ZNF106: variants seen among roughly 807,000 people sequenced by gnomAD.
ZNF106 encodes the protein SH3-domain binding protein 3.
In ZNF106, 67 loss-of-function variants were observed where a neutral mutation model predicts 195.1. The observed-to-expected ratio is 0.34, with a 90% confidence interval of 0.28 to 0.42. The LOEUF (loss-of-function observed/expected upper bound fraction) is 0.42, where lower values mean the gene tolerates loss of function less well. Ranked by LOEUF, ZNF106 falls within the 10% of genes least tolerant of loss-of-function variation. ZNF106 has a pLI of 1.00. For missense variants in ZNF106, 2,118 were observed against 2,304.5 expected (o/e 0.92, Z 1.66); for synonymous variants, 784 against 818.6 (o/e 0.96, Z 0.72).
chr15:42,487,806 CCCCTAGCAA>C (rs1474462848), intron 1 of ZNF106, among the ~76,000 whole-genome samples: 1 of 152,166 alleles, frequency 6.6e-6, no homozygotes, highest in Non-Finnish European at 1.5e-5. Flanking sequence ...CCTCCCTCAA[CCCCTAGCAA>C]CCACCATTCT....
intron 19 of ZNF106, 27 bp downstream of exon 19, chr15:42,421,890 A>T (rs777459651): frequency 6.6e-7 from 1 of 1,508,872 alleles, no homozygotes; most frequent in Non-Finnish European, 8.9e-7. Flanking sequence ...TCAAAAGCAA[A>T]TATCTTACAT....
chr15:42,451,261 G>A lies in ZNF106; in HGVS notation c.1011C>T (p.Phe337=). ...DKFPSEGLLD[F]NFEQLESQTT... is the part of the protein sequence containing the mutation. ...TTTGGCTTTCCAGCTGCTCAAAATT[G>A]AAGTCGAGTAAGCCTTCTGAAGGAA... The change falls in exon 5 of 22, where the codon TTC becomes TTT. Residue 337 remains phenylalanine, a synonymous_variant. Transcript: ENST00000564754. 2 of 1,614,178 alleles carry A rather than the reference G, an allele frequency of 1.2e-6. No individual in the cohort carries two copies. Among genetic ancestry groups the A allele is most frequent in the Non-Finnish European group, 1.7e-6 (2 of 1,180,034 alleles).
intron 4 of ZNF106, among the ~76,000 whole-genome samples, chr15:42,454,191 A>C (rs1314233591): frequency 1.3e-5 from 2 of 152,214 alleles, no homozygotes; most frequent in Non-Finnish European, 2.9e-5. Flanking sequence ...TTCCTTTTTC[A>C]CAAGACGGAA....
intron 16 of ZNF106, 129 bp from the exon 17 acceptor site, chr15:42,424,189 AG>A (rs2054769646): frequency 5.5e-6 from 4 of 729,164 alleles, no homozygotes; most frequent in African/African-American, 1.8e-5. Flanking sequence ...TAGGTATAAA[AG>A]TTTCTCAGAT....
intron 1 of ZNF106, among the ~76,000 whole-genome samples, chr15:42,488,383 C>T (rs2057063008): frequency 6.6e-6 from 1 of 152,128 alleles, no homozygotes; most frequent in African/African-American, 2.4e-5. Flanking sequence ...TTAACCAATC[C>T]TTCACTGATG....
At chr15:42,435,958 CT>C (rs1216348787) in intron 13 of ZNF106, among the ~76,000 whole-genome samples, 481 of 140,382 alleles carry the variant, frequency 3.4e-3, no homozygotes, top group Middle Eastern at 3.7e-3. Flanking sequence ...GGTGTTGTTT[CT>C]TTTTTTTTTT....
intron 14 of ZNF106, among the ~76,000 whole-genome samples, chr15:42,428,502 T>C (rs2054935608): frequency 6.6e-6 from 1 of 152,236 alleles, no homozygotes; most frequent in Non-Finnish European, 1.5e-5. Context: ...TATAGTTATA[T>C]ATTTGATAAA....
chr15:42,424,733 C>T lies in ZNF106; in HGVS notation c.5190+101G>A, dbSNP rs140946821. On this transcript the variant is annotated intron_variant, in intron 16 of 21. Coordinates refer to ENST00000564754, the MANE Select transcript of ZNF106 (RefSeq NM_001366845.3). ...GAGCTCAAGCGATCCCCCTGCCTCA[C>T]CCTCCCAAAGTGCTGGGACTACAGA... 1.6e-3 allele frequency: 2,002 copies of T among 1,224,398 alleles called. 29 individuals carry two copies. In the African/African-American group the frequency reaches 0.028, roughly 17 times the overall value. 75.8% of individuals were successfully genotyped at this position (1,224,398 alleles called of 1,614,324 possible).
chr15:42,453,378 T>A (rs914804280), intron 4 of ZNF106, among the ~76,000 whole-genome samples: 1 of 152,146 alleles, frequency 6.6e-6, no homozygotes, highest in African/African-American at 2.4e-5. Flanking sequence ...CACAGAAACA[T>A]GAATAAGCTT....
At chr15:42,444,112 CAAAAAAAAAAAAAA>C (rs58966014) in intron 9 of ZNF106, 76 bp downstream of exon 9, 43 of 248,936 alleles carry the variant, frequency 1.7e-4, no homozygotes, top group Admixed American at 8.4e-4. Context: ...ACTCTGTCTC[CAAAAAAAAAAAAAA>C]AAAAAAAAAA....
chr15:42,473,024 C>G (rs927377493), intron 1 of ZNF106, among the ~76,000 whole-genome samples: 13 of 138,766 alleles, frequency 9.4e-5, no homozygotes, highest in African/African-American at 3.0e-4. Flanking sequence ...AAAAAAAAAA[C>G]AAGTTTAAGT....
At chr15:42,442,949 A>G (rs2055613384) in intron 9 of ZNF106, among the ~76,000 whole-genome samples, 2 of 151,922 alleles carry the variant, frequency 1.3e-5, no homozygotes, top group Non-Finnish European at 2.9e-5. Flanking sequence ...ATGCCCAGCT[A>G]ATTTTTGTAT....
At chr15:42,458,234 G>A (rs529707614) in intron 3 of ZNF106, among the ~76,000 whole-genome samples, 10 of 151,926 alleles carry the variant, frequency 6.6e-5, no homozygotes, top group Admixed American at 5.9e-4. Flanking sequence ...AGGACATGCC[G>A]TCTTTGTCCA....
Position 42,451,711 on chromosome 15 carries a change from A to G in ZNF106, c.561T>C (p.His187=). Residue 187 remains histidine, a synonymous_variant, in exon 5 of 22, where the codon CAT becomes CAC. Transcript: ENST00000564754. ...GGGPRGRSGW[H]KGVAGGSSTW... is the part of the protein sequence containing the mutation. ...TCGAGGAGCCTCCTGCAACACCCTT[A>G]TGCCACCCGGAACGTCCTCTTGGTC... 1 of 1,614,198 alleles carries G rather than the reference A, an allele frequency of 6.2e-7. No individual in the cohort carries two copies. Among genetic ancestry groups the G allele is most frequent in the Non-Finnish European group, 8.5e-7 (1 of 1,180,042 alleles).
chr15:42,462,875 C>T (rs1056734885), intron 3 of ZNF106, among the ~76,000 whole-genome samples: 11 of 152,160 alleles, frequency 7.2e-5, no homozygotes, highest in African/African-American at 2.4e-4. Context: ...CCTCAAACTC[C>T]TGGGCTCAAG....
Position 42,417,840 on chromosome 15 carries a change from C to A in ZNF106, c.5629G>T (p.Asp1877Tyr). 1 of 1,613,946 alleles carries A rather than the reference C, an allele frequency of 6.2e-7. No homozygotes were observed. Among genetic ancestry groups the A allele is most frequent in the Non-Finnish European group, 8.5e-7 (1 of 1,179,918 alleles). The change falls in exon 21 of 22, where the codon GAT becomes TAT. Residue 1877 changes from aspartate (D) to tyrosine (Y), a missense_variant. Coordinates refer to ENST00000564754, the MANE Select transcript of ZNF106 (RefSeq NM_001366845.3). ...CCTTTCCTAGCAGTGAAAAAAGCATCGCAGTTCTTCCAGCGACATTTCAGA... is the reference window on the plus strand; with the variant it reads ...CCTTTCCTAGCAGTGAAAAAAGCATAGCAGTTCTTCCAGCGACATTTCAGA... ...QTLKCRWKNC[D>Y]AFFTARKGSK...
chr15:42,445,751 T>C (rs1305980657), intron 7 of ZNF106, among the ~76,000 whole-genome samples: 2 of 152,226 alleles, frequency 1.3e-5, no homozygotes, highest in Non-Finnish European at 2.9e-5. Context: ...ATGTGGGTTG[T>C]CCTTGACTCC....
chr15:42,463,424 A>G (rs1369803613), intron 3 of ZNF106, among the ~76,000 whole-genome samples: 1 of 152,148 alleles, frequency 6.6e-6, no homozygotes, highest in Non-Finnish European at 1.5e-5. Flanking sequence ...GGCCATGCAG[A>G]GTGGCTCATG....
At chr15:42,441,173 TA>T (rs752991984) in intron 10 of ZNF106, among the ~76,000 whole-genome samples, 5,701 of 114,736 alleles carry the variant, frequency 0.05, 403 homozygotes, top group African/African-American at 0.17. Context: ...CATCTCTACT[TA>T]AAAAAAAAAA....
Sources: gnomAD v4.1 joint callset for allele counts (sites outside exome capture counted in the v4.1 genomes callset) on GRCh38, gnomAD v4.1.1 for gene constraint, MANE v1.5 for transcripts, NCBI Gene and HGNC (gene_info 2026-07-23, HGNC 2026-07-21) for gene names.